Variants in CIRSR observed in about 807,000 individuals in gnomAD.
CIRSR encodes the protein CBF1 (RBPJ) interacting corepressor 1.
At chr2:174,356,815 TTTTAA>T in the CIRSR span, among the ~76,000 whole-genome samples, 12 of 152,226 alleles carry the variant, frequency 7.9e-5, no homozygotes, top group Non-Finnish European at 1.3e-4. Context: ...TGTGTGTGTG[TTTTAA>T]TTTAACTTTA....
At chr2:174,365,126 G>T in the CIRSR span, among the ~76,000 whole-genome samples, 4 of 151,954 alleles carry the variant, frequency 2.6e-5, no homozygotes, top group African/African-American at 9.7e-5. Flanking sequence ...AATTTCTTCC[G>T]CCAGATATCC....
At chr2:174,392,513 T>C in the CIRSR span, among the ~76,000 whole-genome samples, 3 of 152,168 alleles carry the variant, frequency 2.0e-5, no homozygotes, top group South Asian at 4.1e-4. Flanking sequence ...TTGGAGGCAG[T>C]AGAACCACTT....
At chr2:174,391,407 T>G in the CIRSR span, among the ~76,000 whole-genome samples, 1 of 152,112 alleles carries the variant, frequency 6.6e-6, no homozygotes, top group Non-Finnish European at 1.5e-5. Flanking sequence ...CTGGCCAACA[T>G]GGTGAAACTC....
the CIRSR span, among the ~76,000 whole-genome samples, chr2:174,352,763 C>G: frequency 6.6e-6 from 1 of 152,150 alleles, no homozygotes; most frequent in South Asian, 2.1e-4. Context: ...ATCACCTACA[C>G]TGGCTTAAAT....
the CIRSR span, among the ~76,000 whole-genome samples, chr2:174,364,460 A>G: frequency 6.6e-6 from 1 of 152,102 alleles, no homozygotes; most frequent in Admixed American, 6.5e-5. Flanking sequence ...CAGCTCTACT[A>G]AGCAGTGCCC....
chr2:174,362,786 C>T, the CIRSR span, among the ~76,000 whole-genome samples: 1 of 147,030 alleles, frequency 6.8e-6, no homozygotes, highest in Non-Finnish European at 1.5e-5. Flanking sequence ...ATAGGTAATA[C>T]AGAGTATTAT....
chr2:174,368,544 C>T, the CIRSR span, among the ~76,000 whole-genome samples: 1 of 152,130 alleles, frequency 6.6e-6, no homozygotes. Flanking sequence ...AATGGCTGGG[C>T]GTGGTGGCTC....
At chr2:174,352,614 CT>C in the CIRSR span, among the ~76,000 whole-genome samples, 1 of 152,158 alleles carries the variant, frequency 6.6e-6, no homozygotes, top group Admixed American at 6.5e-5. Flanking sequence ...GGTTTGCCCC[CT>C]GCCCTCAAAC....
chr2:174,384,481 A>G, the CIRSR span, among the ~76,000 whole-genome samples: 1 of 152,348 alleles, frequency 6.6e-6, no homozygotes, highest in East Asian at 1.9e-4. Context: ...TTAAGGGTAC[A>G]CTGAATTGCA....
At chr2:174,391,756 C>T in the CIRSR span, among the ~76,000 whole-genome samples, 15 of 152,258 alleles carry the variant, frequency 9.9e-5, no homozygotes, top group Non-Finnish European at 2.1e-4. Context: ...AAATAACTTA[C>T]ATTCATACAA....
the CIRSR span, among the ~76,000 whole-genome samples, chr2:174,388,003 A>C: frequency 1.3e-5 from 2 of 152,174 alleles, no homozygotes; most frequent in Non-Finnish European, 2.9e-5. Flanking sequence ...TAAAAAAAAG[A>C]AAAGGGCAAA....
At chr2:174,350,764 C>G in the CIRSR span, 1 of 1,543,114 alleles carries the variant, frequency 6.5e-7, no homozygotes, top group African/African-American at 1.4e-5. Flanking sequence ...ACAAAGATAT[C>G]ATTAAATTGC....
the CIRSR span, among the ~76,000 whole-genome samples, chr2:174,382,073 A>C: frequency 6.6e-6 from 1 of 152,210 alleles, no homozygotes; most frequent in Non-Finnish European, 1.5e-5. Context: ...ATTTTCTTAA[A>C]CCCTGAAATG....
At chr2:174,367,961 A>G in the CIRSR span, among the ~76,000 whole-genome samples, 8 of 152,184 alleles carry the variant, frequency 5.3e-5, no homozygotes, top group Non-Finnish European at 8.8e-5. Flanking sequence ...AGAGCAAGGA[A>G]AATCATCAAG....
the CIRSR span, among the ~76,000 whole-genome samples, chr2:174,354,899 G>A: frequency 1.4e-5 from 2 of 147,742 alleles, no homozygotes; most frequent in African/African-American, 5.0e-5. Context: ...ACTGCACCCG[G>A]CCACTATCCA....
the CIRSR span, among the ~76,000 whole-genome samples, chr2:174,371,523 A>C: frequency 6.6e-6 from 1 of 152,238 alleles, no homozygotes; most frequent in Admixed American, 6.5e-5. Flanking sequence ...AGTTTTACAT[A>C]TAATTTTGAT....
At chr2:174,379,145 A>G in the CIRSR span, 1 of 788,620 alleles carries the variant, frequency 1.3e-6, no homozygotes. Context: ...CATTTTTAAA[A>G]GATCTCCAGG....
the CIRSR span, chr2:174,348,564 T>C: frequency 1.2e-6 from 2 of 1,614,228 alleles, no homozygotes; most frequent in East Asian, 4.5e-5. Context: ...TTCTCCTCTA[T>C]ACAAGTCTGT....
chr2:174,351,569 C>A, the CIRSR span: 1 of 1,455,644 alleles, frequency 6.9e-7, no homozygotes, highest in South Asian at 1.2e-5. Context: ...CACAAGCAAT[C>A]ACATTTAGAT....
Sources: gnomAD v4.1 joint callset for allele counts (sites outside exome capture counted in the v4.1 genomes callset) on GRCh38, gnomAD v4.1.1 for gene constraint, MANE v1.5 for transcripts, NCBI Gene and HGNC (gene_info 2026-07-23, HGNC 2026-07-21) for gene names.